Variants in TANC2 observed in about 807,000 individuals in gnomAD.
TANC2 encodes the protein protein TANC2.
TANC2 carries 26 observed loss-of-function variants against 210.5 expected under a neutral mutation model. The observed-to-expected ratio is 0.12, with a 90% CI of 0.09 to 0.17. The LOEUF (loss-of-function observed/expected upper bound fraction) is 0.17, where lower values mean the gene tolerates loss of function less well. Among genes scored for constraint, TANC2 ranks in the 10% least tolerant of loss-of-function variants. TANC2 has a pLI of 1.00. For missense variants in TANC2, 2,129 were observed against 2,608.9 expected, an observed-to-expected ratio of 0.82 and a Z score of 4.01; for synonymous variants, 931 against 967.1, an observed-to-expected ratio of 0.96 and a Z score of 0.69.
rs1262075337 is a variant in TANC2 at position 63,421,357 on chromosome 17, C to T, written c.5627C>T (p.Thr1876Ile). Reference sequence around the variant, plus strand: ...CCATCTAGCAATAGTATCTCCTCCACCTCCAACCTAACTCCGACCTTCCGG... The same window carrying T: ...CCATCTAGCAATAGTATCTCCTCCATCTCCAACCTAACTCCGACCTTCCGG... The change falls in exon 28 of 28, where the codon ACC (threonine) becomes ATC (isoleucine). Residue 1876 changes from threonine (T) to isoleucine (I), a missense_variant. Physicochemically the swap from Thr to Ile is moderately conservative, Grantham distance 89. Transcript: ENST00000689528. The surrounding 1 kb of genome is among the most constrained non-coding windows in gnomAD (Gnocchi z 6.9). 6.2e-7 allele frequency: 1 copy of T among 1,614,048 alleles called. No homozygotes were observed.
rs190326356 is a variant in TANC2, at chr17:63,249,215, A to C, written c.1033+11138A>C. Among the ~76,000 whole-genome samples the C allele has an allele frequency of 4.3e-3, 657 of 152,328 alleles. 16 individuals are homozygous for C. The highest frequency in any genetic ancestry group is 0.04 in the Admixed American group (605 of 15,290). On this transcript the variant is annotated intron_variant, in intron 8 of 27. Coordinates refer to ENST00000689528, the Ensembl canonical transcript of TANC2. Reference sequence around the variant, plus strand: ...GGCTCGGAATTTTCTGGAGTAGCTCAGTTTTCTGAATATAAACTTAGCTGT... The same window carrying C: ...GGCTCGGAATTTTCTGGAGTAGCTCCGTTTTCTGAATATAAACTTAGCTGT...
intron 3 of TANC2, among the ~76,000 whole-genome samples, chr17:63,078,398 G>C (rs1392606562): frequency 6.6e-6 from 1 of 151,868 alleles, no homozygotes; most frequent in African/African-American, 2.4e-5. Context: ...TTGCTTTCCT[G>C]TCTTCTATGT....
At chr17:63,177,282 A>C (rs955034647) in intron 5 of TANC2, among the ~76,000 whole-genome samples, 7 of 151,364 alleles carry the variant, frequency 4.6e-5, no homozygotes, top group East Asian at 1.9e-4. Context: ...AAAAAAAAAA[A>C]ACACAAAATT....
chr17:63,050,784 G>T (rs2035555725), intron 2 of TANC2, among the ~76,000 whole-genome samples: 2 of 152,212 alleles, frequency 1.3e-5, no homozygotes, highest in Non-Finnish European at 2.9e-5. Flanking sequence ...TTTGGTAATT[G>T]TGGATTATCT....
chr17:63,332,069 T>G, intron 11 of TANC2: 1 of 334,046 alleles, frequency 3.0e-6, no homozygotes, highest in South Asian at 3.0e-5. Context: ...CTGTAGAGTC[T>G]TCCTGAATAA....
At chr17:63,167,590 A>T (rs1358857882) in intron 5 of TANC2, among the ~76,000 whole-genome samples, 2 of 152,174 alleles carry the variant, frequency 1.3e-5, no homozygotes, top group African/African-American at 4.8e-5. Flanking sequence ...AGAAAACTAC[A>T]CTTACATACA....
chr17:63,074,278 A>G (rs756696761), intron 3 of TANC2, among the ~76,000 whole-genome samples: 2 of 152,118 alleles, frequency 1.3e-5, no homozygotes, highest in Non-Finnish European at 2.9e-5. Flanking sequence ...TCTGGATATC[A>G]CTTTTGGAAT....
intron 5 of TANC2, among the ~76,000 whole-genome samples, chr17:63,175,068 C>T (rs1208072151): frequency 6.6e-6 from 1 of 151,912 alleles, no homozygotes; most frequent in Non-Finnish European, 1.5e-5. Context: ...TGAACATAAT[C>T]CAAAGAAAAA....
At chr17:63,271,011 G>A (rs113782963) in intron 9 of TANC2, among the ~76,000 whole-genome samples, 6 of 152,122 alleles carry the variant, frequency 3.9e-5, no homozygotes, top group African/African-American at 9.6e-5. Context: ...TCTTTTTTAC[G>A]GCTTCATGGT....
intron 8 of TANC2, among the ~76,000 whole-genome samples, chr17:63,239,161 AAAAG>A (rs1173951582): frequency 9.2e-5 from 14 of 152,062 alleles, no homozygotes; most frequent in Admixed American, 5.9e-4. Context: ...AAAAAAAAAA[AAAAG>A]AAAGAAATGA....
chr17:63,370,613 T>C (rs967410156), intron 14 of TANC2, among the ~76,000 whole-genome samples: 28 of 152,212 alleles, frequency 1.8e-4, no homozygotes, highest in Non-Finnish European at 4.4e-5. Context: ...CCTAAGTGAT[T>C]TATCACAATA....
At chr17:63,077,032 T>C (rs370025945) in intron 3 of TANC2, among the ~76,000 whole-genome samples, 1 of 152,160 alleles carries the variant, frequency 6.6e-6, no homozygotes. Flanking sequence ...AGTTTCCTGA[T>C]TGAAAAGGCT....
At chr17:63,259,352 G>A (rs2043291946) in intron 8 of TANC2, among the ~76,000 whole-genome samples, 1 of 152,116 alleles carries the variant, frequency 6.6e-6, no homozygotes, top group Admixed American at 6.5e-5. Context: ...TAGGTCACCA[G>A]CACCCAAAGT....
At chr17:63,355,859 T>A (rs2046766195) in intron 14 of TANC2, among the ~76,000 whole-genome samples, 1 of 152,202 alleles carries the variant, frequency 6.6e-6, no homozygotes, top group Non-Finnish European at 1.5e-5. Context: ...AATGCTAAGC[T>A]TTATACTAGA....
At chr17:63,217,588 G>C (rs1437985912) in intron 7 of TANC2, among the ~76,000 whole-genome samples, 1 of 152,160 alleles carries the variant, frequency 6.6e-6, no homozygotes, top group Non-Finnish European at 1.5e-5. Context: ...TATTGAATTT[G>C]TTGTTTAAAA....
chr17:63,393,776 A>ATT (rs58388281), intron 17 of TANC2, among the ~76,000 whole-genome samples: 18 of 124,090 alleles, frequency 1.5e-4, no homozygotes, highest in African/African-American at 3.5e-4. Context: ...TATTATTATT[A>ATT]TTTTTTTTTT....
chr17:63,138,453 T>C (rs192274053), intron 4 of TANC2, among the ~76,000 whole-genome samples: 8 of 152,304 alleles, frequency 5.3e-5, no homozygotes, highest in Non-Finnish European at 7.4e-5. Flanking sequence ...CTCAAACAGT[T>C]CATTAAGATG....
At chr17:63,121,362 T>A (rs908627594) in intron 4 of TANC2, among the ~76,000 whole-genome samples, 1 of 152,122 alleles carries the variant, frequency 6.6e-6, no homozygotes, top group African/African-American at 2.4e-5. Flanking sequence ...AAGAAAAATA[T>A]ATAGATAAAG....
exon 28 of TANC2, chr17:63,425,704 T>G (rs1170237022): frequency 6.6e-6 from 1 of 152,240 alleles, no homozygotes; most frequent in African/African-American, 2.4e-5. Context: ...AACAGAGGCC[T>G]GGAAGGGGTC....
Sources: allele counts gnomAD v4.1 joint callset (sites outside exome capture counted in the v4.1 genomes callset), GRCh38; gene constraint gnomAD v4.1.1; non-coding constraint Gnocchi (gnomAD v3.1); transcripts MANE v1.5; gene names NCBI Gene and HGNC (gene_info 2026-07-23, HGNC 2026-07-21).